PDE4B: variants seen among roughly 807,000 people sequenced by gnomAD.
The protein encoded by PDE4B is phosphodiesterase 4B.
A neutral mutation model predicts 82.2 loss-of-function variants in PDE4B; 20 were observed. That is an observed-to-expected ratio of 0.24 (90% confidence interval 0.17 to 0.35). PDE4B has a LOEUF of 0.35. Among genes scored for constraint, PDE4B ranks in the 10% least tolerant of loss-of-function variants. The probability of loss-of-function intolerance (pLI) is 1.00; values close to 1 mark genes in which losing one functional copy is unlikely to be tolerated. For missense variants in PDE4B, 655 were observed against 907.2 expected (o/e 0.72, Z 3.57); for synonymous variants, 320 against 318.9 (o/e 1.00, Z -0.04).
intron 3 of PDE4B, among the ~76,000 whole-genome samples, chr1:66,103,819 T>C (rs1043984829): frequency 3.3e-5 from 5 of 152,110 alleles, no homozygotes; most frequent in Admixed American, 2.6e-4. Context: ...TTATACTGAA[T>C]CATATGCTCC....
chr1:66,062,970 T>C (rs951479151), intron 3 of PDE4B: 2 of 152,050 alleles, frequency 1.3e-5, no homozygotes, highest in African/African-American at 4.8e-5. Flanking sequence ...AAATCAAGCA[T>C]GTTGGTGTCT....
chr1:66,314,962 G>T (rs1477049922), intron 7 of PDE4B, among the ~76,000 whole-genome samples: 1 of 152,108 alleles, frequency 6.6e-6, no homozygotes, highest in Non-Finnish European at 1.5e-5. Flanking sequence ...TTTTCACTTT[G>T]TGTCTATGCA....
At chr1:66,097,255 C>A (rs1645136415) in intron 3 of PDE4B, among the ~76,000 whole-genome samples, 1 of 152,046 alleles carries the variant, frequency 6.6e-6, no homozygotes, top group Non-Finnish European at 1.5e-5. Context: ...ACATTTTCAA[C>A]AGCTTTGTAT....
chr1:65,927,241 A>G (rs1647552120), intron 3 of PDE4B, among the ~76,000 whole-genome samples: 1 of 151,768 alleles, frequency 6.6e-6, no homozygotes, highest in South Asian at 2.1e-4. Flanking sequence ...TTTCTTAACT[A>G]TATAAAACAT....
chr1:66,255,437 T>C (rs1654139281), intron 4 of PDE4B, among the ~76,000 whole-genome samples: 1 of 152,224 alleles, frequency 6.6e-6, no homozygotes, highest in Non-Finnish European at 1.5e-5. Flanking sequence ...AATCTTTGTC[T>C]GGACTGTCCA....
At chr1:65,976,254 G>A (rs752402670) in intron 3 of PDE4B, among the ~76,000 whole-genome samples, 21 of 152,180 alleles carry the variant, frequency 1.4e-4, no homozygotes, top group Non-Finnish European at 2.9e-4. Flanking sequence ...AAGATTTAAT[G>A]ACCACCCTGC....
At chr1:65,855,586 C>A (rs1325409501) in intron 1 of PDE4B, among the ~76,000 whole-genome samples, 1 of 152,108 alleles carries the variant, frequency 6.6e-6, no homozygotes, top group Non-Finnish European at 1.5e-5. Context: ...GAACTGACAG[C>A]CACCTGATTA....
At chr1:66,282,691 C>T (rs1223541087) in intron 7 of PDE4B, among the ~76,000 whole-genome samples, 1 of 152,134 alleles carries the variant, frequency 6.6e-6, no homozygotes, top group African/African-American at 2.4e-5. Context: ...GGTGTGTAAC[C>T]AGAAGTAAAT....
chr1:66,187,092 A>G (rs7524218), intron 3 of PDE4B, among the ~76,000 whole-genome samples: 76,634 of 152,046 alleles, frequency 0.5, 19,996 homozygotes, highest in South Asian at 0.63. Flanking sequence ...TGAGATAATC[A>G]TGTAGTTTTG....
At chr1:65,892,851 A>G (rs1440340620) in intron 1 of PDE4B, among the ~76,000 whole-genome samples, 1 of 152,118 alleles carries the variant, frequency 6.6e-6, no homozygotes, top group Non-Finnish European at 1.5e-5. Flanking sequence ...AATTCCATTA[A>G]TAAATTATCT....
intron 1 of PDE4B, among the ~76,000 whole-genome samples, chr1:65,830,744 T>C (rs1167580827): frequency 2.6e-5 from 4 of 152,164 alleles, no homozygotes; most frequent in Admixed American, 2.6e-4. Flanking sequence ...TGCAATGTGA[T>C]CCTGGAATAG....
chr1:65,877,465 A>G (rs1195169122), intron 1 of PDE4B, among the ~76,000 whole-genome samples: 2 of 152,080 alleles, frequency 1.3e-5, no homozygotes, highest in East Asian at 3.9e-4. Flanking sequence ...AATACAAAGA[A>G]TTAGCTGGGC....
chr1:66,264,202 G>T (rs1232499182), intron 6 of PDE4B, among the ~76,000 whole-genome samples: 1 of 152,216 alleles, frequency 6.6e-6, no homozygotes, highest in Non-Finnish European at 1.5e-5. Flanking sequence ...AGGCAATGAG[G>T]AATTATGAGA....
intron 3 of PDE4B, among the ~76,000 whole-genome samples, chr1:66,093,913 T>C (rs1013602088): frequency 3.3e-5 from 5 of 152,010 alleles, no homozygotes; most frequent in African/African-American, 9.7e-5. Flanking sequence ...GCCCTTGATG[T>C]TCTTTCATTC....
intron 3 of PDE4B, among the ~76,000 whole-genome samples, chr1:66,105,230 G>A (rs963542214): frequency 6.9e-6 from 1 of 145,420 alleles, no homozygotes; most frequent in Non-Finnish European, 1.5e-5. Context: ...TGTCATGTTT[G>A]TCAAAGATCA....
chr1:65,914,849 T>C (rs922911182), intron 2 of PDE4B, among the ~76,000 whole-genome samples: 2 of 152,284 alleles, frequency 1.3e-5, no homozygotes, highest in African/African-American at 4.8e-5. Flanking sequence ...AACCCCACCA[T>C]ATTGAATAAA....
chr1:65,969,075 G>A (rs1649997516), intron 3 of PDE4B, among the ~76,000 whole-genome samples: 1 of 152,118 alleles, frequency 6.6e-6, no homozygotes, highest in South Asian at 2.1e-4. Flanking sequence ...TTTTCAGGGT[G>A]TATAAGTCAG....
intron 1 of PDE4B, among the ~76,000 whole-genome samples, chr1:65,887,373 CT>C (rs1557799341): frequency 2.2e-4 from 1 of 4,460 alleles, no homozygotes; most frequent in African/African-American, 1.6e-3. Context: ...CCCTCCCTCC[CT>C]TCCTTCCTTC....
chr1:66,316,080 CAG>C (rs1659009075), intron 7 of PDE4B, among the ~76,000 whole-genome samples: 2 of 152,192 alleles, frequency 1.3e-5, no homozygotes, highest in South Asian at 4.1e-4. Context: ...GAAATCCAGT[CAG>C]AGTGTAGCAG....
Sources: gnomAD v4.1 joint callset for allele counts (sites outside exome capture counted in the v4.1 genomes callset) on GRCh38, gnomAD v4.1.1 for gene constraint, MANE v1.5 for transcripts, NCBI Gene and HGNC (gene_info 2026-07-23, HGNC 2026-07-21) for gene names.